Variants in FRMD4A observed in about 807,000 individuals in gnomAD.
FRMD4A encodes FERM domain-containing protein 4A.
Under a neutral mutation model 129.1 loss-of-function variants are expected in FRMD4A, and 29 were observed. That is an observed-to-expected ratio of 0.22 (90% CI 0.17 to 0.31). The LOEUF is 0.31. FRMD4A is among the 10% of genes least tolerant of loss of function. The pLI is 1.00. For synonymous variants in FRMD4A, 634 were observed against 571.6 expected, an observed-to-expected ratio of 1.11 and a Z score of -1.56; for missense variants, 1,272 against 1,375.8, an observed-to-expected ratio of 0.92 and a Z score of 1.19.
Position 14,270,788 on chromosome 10 carries a change from C to T in FRMD4A, c.45+59270G>A, listed in dbSNP as rs185375551. Among the ~76,000 whole-genome samples the T allele has an allele frequency of 3.9e-5, 6 of 152,292 alleles. No individual in the cohort carries two copies. In the East Asian group the frequency reaches 5.8e-4, roughly 15 times the overall value. ...ACATAAGAGTGACGTTCCCACGGTA[C>T]GTTTCGGGTCACAAAAACATCACCA... On this transcript the variant is annotated intron_variant, in intron 2 of 24. Coordinates refer to ENST00000357447, the MANE Select transcript of FRMD4A (RefSeq NM_018027.5).
chr10:14,324,168 A>G (rs907936069), intron 2 of FRMD4A, among the ~76,000 whole-genome samples: 3 of 152,234 alleles, frequency 2.0e-5, no homozygotes, highest in Non-Finnish European at 2.9e-5. Flanking sequence ...AAATAAAAAT[A>G]TATTTAGCAA....
At chr10:13,847,809 C>T (rs1287793885) in intron 3 of FRMD4A, among the ~76,000 whole-genome samples, 4 of 152,192 alleles carry the variant, frequency 2.6e-5, no homozygotes, top group African/African-American at 9.7e-5. Context: ...AACTCCTAAC[C>T]CAAATAAACG....
chr10:13,911,816 C>A (rs559221031), intron 2 of FRMD4A, among the ~76,000 whole-genome samples: 31 of 152,202 alleles, frequency 2.0e-4, no homozygotes, highest in African/African-American at 7.5e-4. Flanking sequence ...CCTGCCTCGG[C>A]CTCCCAAACC....
At chr10:13,654,832 GGTTTCTACAGCAGCAAAGA>G (rs1338005897) in intron 22 of FRMD4A, 2 of 398,030 alleles carry the variant, frequency 5.0e-6, no homozygotes, top group Non-Finnish European at 8.9e-6. Context: ...GGATGGTGAC[GGTTTCTACAGCAGCAAAGA>G]ATCTGATGTC....
At chr10:13,942,700 T>C (rs890271510) in intron 2 of FRMD4A, among the ~76,000 whole-genome samples, 4 of 152,262 alleles carry the variant, frequency 2.6e-5, no homozygotes, top group African/African-American at 9.6e-5. Flanking sequence ...TTTAGGAGGC[T>C]GAGGCTGGCA....
chr10:14,146,194 A>G (rs1018787706), intron 2 of FRMD4A, among the ~76,000 whole-genome samples: 2 of 152,230 alleles, frequency 1.3e-5, no homozygotes, highest in Non-Finnish European at 2.9e-5. Flanking sequence ...AAGGTGGCTC[A>G]TAGTAAGTTA....
chr10:13,863,897 C>T (rs971747405), intron 2 of FRMD4A, among the ~76,000 whole-genome samples: 1 of 152,072 alleles, frequency 6.6e-6, no homozygotes, highest in African/African-American at 2.4e-5. Flanking sequence ...AGTCATAAGA[C>T]AGCAACTTCA....
intron 2 of FRMD4A, among the ~76,000 whole-genome samples, chr10:14,243,456 T>C (rs1844122248): frequency 6.6e-6 from 1 of 152,192 alleles, no homozygotes; most frequent in African/African-American, 2.4e-5. Flanking sequence ...CATGCGGAAC[T>C]GTGAGTCAAT....
At chr10:14,037,030 A>T (rs1833533206) in intron 2 of FRMD4A, among the ~76,000 whole-genome samples, 1 of 152,210 alleles carries the variant, frequency 6.6e-6, no homozygotes, top group South Asian at 2.1e-4. Flanking sequence ...AATTTCTCTT[A>T]TACCTCTGAC....
intron 2 of FRMD4A, among the ~76,000 whole-genome samples, chr10:14,119,077 G>T (rs1838355154): frequency 6.6e-6 from 1 of 152,154 alleles, no homozygotes; most frequent in Admixed American, 6.5e-5. Context: ...TGCAGATCAA[G>T]GAGGTGGCCA....
chr10:14,258,792 T>C (rs915585508), intron 2 of FRMD4A, among the ~76,000 whole-genome samples: 1 of 152,150 alleles, frequency 6.6e-6, no homozygotes, highest in Non-Finnish European at 1.5e-5. Context: ...GTTGAACAGA[T>C]AAACAAAACC....
chr10:13,826,437 C>CTA (rs1208464773), intron 3 of FRMD4A, among the ~76,000 whole-genome samples: 1 of 152,224 alleles, frequency 6.6e-6, no homozygotes, highest in Non-Finnish European at 1.5e-5. Flanking sequence ...GCTGCATCTA[C>CTA]TATAGGATTT....
chr10:14,279,420 A>C (rs1845447079), intron 2 of FRMD4A, among the ~76,000 whole-genome samples: 1 of 152,014 alleles, frequency 6.6e-6, no homozygotes, highest in South Asian at 2.1e-4. Context: ...GCTGGTCTCA[A>C]ACTTCTGACC....
chr10:14,157,874 T>G (rs1299497062), intron 2 of FRMD4A, among the ~76,000 whole-genome samples: 2 of 152,164 alleles, frequency 1.3e-5, no homozygotes, highest in Non-Finnish European at 2.9e-5. Context: ...AGTCTGAGCT[T>G]CAAGTCAGGA....
intron 2 of FRMD4A, among the ~76,000 whole-genome samples, chr10:14,060,091 T>C (rs938521092): frequency 5.3e-5 from 8 of 152,234 alleles, no homozygotes; most frequent in Non-Finnish European, 1.5e-5. Flanking sequence ...TAGCTGGCGT[T>C]TATTGCATCC....
At chr10:13,714,264 T>C (rs1374008386) in intron 12 of FRMD4A, among the ~76,000 whole-genome samples, 4 of 150,878 alleles carry the variant, frequency 2.7e-5, no homozygotes, top group Admixed American at 2.0e-4. Context: ...GGTTTCATCA[T>C]GTTGGCCAGG....
Position 13,660,392 on chromosome 10 carries a change from G to T in FRMD4A, c.1822C>A (p.Pro608Thr). 4.3e-6 allele frequency: 7 copies of T among 1,614,116 alleles called. No individual in the cohort carries two copies. The highest frequency in any genetic ancestry group is 5.9e-6 in the Non-Finnish European group (7 of 1,179,964). Residue 608 changes from proline to threonine, a missense_variant, in exon 20 of 25, where the codon CCC (proline) becomes ACC (threonine). Physicochemically the swap from Pro to Thr is conservative, Grantham distance 38. Around this residue, in one of 2 missense-constraint regions of FRMD4A, gnomAD observed 972 missense variants for 892.3 expected, o/e 1.09. Transcript: ENST00000357447. Reference sequence around the variant, plus strand: ...AAAGAGGACTCACTCCACATTTTGGGCTTGATGGGTGACTTGTCATAGTCG... The same window carrying T: ...AAAGAGGACTCACTCCACATTTTGGTCTTGATGGGTGACTTGTCATAGTCG... ...RNDYDKSPIKPKMWSESSLDE... is the reference protein window; with the variant it reads ...RNDYDKSPIKTKMWSESSLDE...
intron 2 of FRMD4A, among the ~76,000 whole-genome samples, chr10:14,300,004 T>C (rs1321153760): frequency 1.3e-5 from 2 of 151,864 alleles, no homozygotes; most frequent in Non-Finnish European, 2.9e-5. Context: ...TGAAGAATGA[T>C]TTCCCAAGGA....
intron 2 of FRMD4A, among the ~76,000 whole-genome samples, chr10:14,312,744 C>G (rs1400776582): frequency 6.6e-6 from 1 of 152,000 alleles, no homozygotes; most frequent in African/African-American, 2.4e-5. Flanking sequence ...TGGGCACCTG[C>G]AGTCCCAGCT....
Sources: allele counts gnomAD v4.1 joint callset (sites outside exome capture counted in the v4.1 genomes callset), GRCh38; gene constraint gnomAD v4.1.1; regional missense constraint gnomAD v4.1.1; transcripts MANE v1.5; gene names NCBI Gene and HGNC (gene_info 2026-07-23, HGNC 2026-07-21).